The following PSMA6 variants were observed in gnomAD, a reference collection of about 807,000 sequenced individuals.
PSMA6 encodes the protein proteasome 20S subunit alpha 6.
For synonymous variants in PSMA6, 88 were observed against 97.7 expected (o/e 0.90, Z 0.59); for missense variants, 170 against 294.8 (o/e 0.58, Z 3.10).
At chr14:35,313,293 AAAATAT>A (rs1432114477) in intron 5 of PSMA6, 14 of 402,984 alleles carry the variant, frequency 3.5e-5, no homozygotes, top group Non-Finnish European at 4.7e-5. Context: ...ATATAATAGG[AAAATAT>A]AAATAAAAAT....
At chr14:35,314,302 G>A in intron 5 of PSMA6, 59 bp from the exon 6 acceptor site, 1 of 1,458,488 alleles carries the variant, frequency 6.9e-7, no homozygotes, top group Non-Finnish European at 9.1e-7. Context: ...AGCTAGGAAT[G>A]AGAAAACCTT....
intron 1 of PSMA6, among the ~76,000 whole-genome samples, chr14:35,306,001 G>A (rs113321295): frequency 0.058 from 8,806 of 152,266 alleles, 336 homozygotes; most frequent in Middle Eastern, 0.11. Flanking sequence ...TGAGGTGGGA[G>A]GATCGCTTGA....
chr14:35,299,644 A>G (rs527753586), intron 1 of PSMA6, among the ~76,000 whole-genome samples: 15 of 152,170 alleles, frequency 9.9e-5, no homozygotes, highest in South Asian at 4.1e-4. Context: ...ATTGGCCTTC[A>G]TATACCATAG....
rs1472726009 is a variant in PSMA6 at position 35,309,943 on chromosome 14, G to T, written c.254-797G>T. ...GCCAAGATCATGAGACTGTACTGCAGCCTGGGCAACGGAGCAAGACTCCAT... is the reference window on the plus strand; with the variant it reads ...GCCAAGATCATGAGACTGTACTGCATCCTGGGCAACGGAGCAAGACTCCAT... On this transcript the variant is annotated intron_variant, in intron 3 of 6. Transcript: ENST00000261479. Among the ~76,000 whole-genome samples the T allele has an allele frequency of 3.3e-5, 5 of 152,024 alleles. No individual in the cohort carries two copies. In the South Asian group the frequency reaches 8.3e-4, roughly 25 times the overall value.
At chr14:35,292,363 G>A, upstream of PSMA6, 2 of 1,530,864 alleles carry the variant, frequency 1.3e-6, no homozygotes, top group Non-Finnish European at 1.8e-6. Context: ...AAGAGCGGAA[G>A]AAACGCGGCT....
At chr14:35,292,096 A>G (rs912170574), upstream of PSMA6, among the ~76,000 whole-genome samples, 1 of 152,224 alleles carries the variant, frequency 6.6e-6, no homozygotes, top group Admixed American at 6.5e-5. Flanking sequence ...TACACGTTCT[A>G]TTTAGGTCAC....
chr14:35,314,985 T>TGTGTGTGTGTGTG (rs1305929466), intron 6 of PSMA6: 2 of 62,654 alleles, frequency 3.2e-5, no homozygotes, highest in Admixed American at 3.4e-4. Context: ...GTGTGTGTGT[T>TGTGTGTGTGTGTG]CTTACTCACT....
chr14:35,300,764 G>A (rs767446402), intron 1 of PSMA6, among the ~76,000 whole-genome samples: 3 of 152,076 alleles, frequency 2.0e-5, no homozygotes, highest in Non-Finnish European at 4.4e-5. Flanking sequence ...TCTAGAGTAC[G>A]TTAAAGCAAA....
At position 35,286,847 on chromosome 14, in the gene PSMA6, G is replaced by A. The variant is rs117494255; in HGVS notation, c.19+8129G>A. ...TATTGCATCCACCATTGGTTCCAGA[G>A]GGTAGAAGAACCACACTAGATGTTA... On this transcript the variant is annotated intron_variant, in intron 1 of 6. Transcript: ENST00000540871. Among the ~76,000 whole-genome samples the A allele has an allele frequency of 5.3e-3, 810 of 152,138 alleles. 3 individuals are homozygous for A. Among genetic ancestry groups the A allele is most frequent in the Non-Finnish European group, 8.8e-3 (598 of 67,990 alleles).
At chr14:35,305,797 CT>C (rs1374599115) in intron 1 of PSMA6, among the ~76,000 whole-genome samples, 4 of 152,192 alleles carry the variant, frequency 2.6e-5, no homozygotes, top group African/African-American at 4.8e-5. Flanking sequence ...TGCTTTTCCC[CT>C]GATTACAAAA....
At chr14:35,298,414 C>T (rs534176553) in intron 1 of PSMA6, among the ~76,000 whole-genome samples, 19 of 151,758 alleles carry the variant, frequency 1.3e-4, no homozygotes, top group African/African-American at 4.1e-4. Context: ...TGCTTGAGCC[C>T]GGGAGGTGGA....
chr14:35,292,407 A>G lies in PSMA6; in HGVS notation c.-70A>G. The G allele has an allele frequency of 6.4e-7, 1 of 1,558,136 alleles. No individual in the cohort carries two copies. Among genetic ancestry groups the G allele is most frequent in the Non-Finnish European group, 8.7e-7 (1 of 1,153,396 alleles). Reference sequence around the variant, plus strand: ...GGAAGCAGTCGCTGCAACTTCCGGGAGGTGCTTGTGTGCCTGGTGCGGGAG... The same window carrying G: ...GGAAGCAGTCGCTGCAACTTCCGGGGGGTGCTTGTGTGCCTGGTGCGGGAG... On this transcript the variant is annotated 5_prime_UTR_variant, in exon 1 of 7. Coordinates refer to ENST00000261479, the MANE Select transcript of PSMA6 (RefSeq NM_002791.3).
intron 1 of PSMA6, among the ~76,000 whole-genome samples, chr14:35,297,528 C>T (rs1023198222): frequency 1.3e-5 from 2 of 151,994 alleles, no homozygotes; most frequent in Non-Finnish European, 2.9e-5. Flanking sequence ...TTTAATAACT[C>T]ATAGAATATG....
chr14:35,297,930 A>G (rs2051630970), intron 1 of PSMA6, among the ~76,000 whole-genome samples: 1 of 152,188 alleles, frequency 6.6e-6, no homozygotes, highest in African/African-American at 2.4e-5. Context: ...AGCAAATAAG[A>G]TATTACTATG....
chr14:35,309,827 C>T (rs1303165164), intron 3 of PSMA6, among the ~76,000 whole-genome samples: 2 of 151,864 alleles, frequency 1.3e-5, no homozygotes, highest in South Asian at 2.1e-4. Context: ...AAAAACTTAA[C>T]CAGCTATGGT....
At chr14:35,298,900 AT>A (rs2051652846) in intron 1 of PSMA6, among the ~76,000 whole-genome samples, 1 of 151,890 alleles carries the variant, frequency 6.6e-6, no homozygotes, top group African/African-American at 2.4e-5. Context: ...TACCTGGCTA[AT>A]TTTTGCATTT....
intron 1 of PSMA6, among the ~76,000 whole-genome samples, chr14:35,284,304 T>G (rs1283644781): frequency 6.6e-6 from 1 of 152,150 alleles, no homozygotes; most frequent in Non-Finnish European, 1.5e-5. Flanking sequence ...CTCCTAACAT[T>G]GCTCTTAACA....
At chr14:35,299,662 G>A (rs997113254) in intron 1 of PSMA6, among the ~76,000 whole-genome samples, 7 of 152,038 alleles carry the variant, frequency 4.6e-5, no homozygotes, top group African/African-American at 9.7e-5. Context: ...TAGGTTGTCC[G>A]TATCTGCTCT....
At chr14:35,292,851 T>C (rs2051512546) in intron 1 of PSMA6, 4 of 520,768 alleles carry the variant, frequency 7.7e-6, no homozygotes, top group South Asian at 3.7e-5. Context: ...CCTTCAGTTA[T>C]TGTATTCTGT....
Sources: gnomAD v4.1 joint callset for allele counts (sites outside exome capture counted in the v4.1 genomes callset) on GRCh38, gnomAD v4.1.1 for gene constraint, MANE v1.5 for transcripts, NCBI Gene and HGNC (gene_info 2026-07-23, HGNC 2026-07-21) for gene names.